Variants in CDKAL1 observed in about 807,000 individuals in gnomAD.
CDKAL1 encodes threonylcarbamoyladenosine tRNA methylthiotransferase.
In CDKAL1, 32 loss-of-function variants were observed where a neutral mutation model predicts 68.2. The ratio of observed to expected loss-of-function variants is 0.47; its 90% CI spans 0.35 to 0.63. CDKAL1 has a LOEUF of 0.63. Ranked by LOEUF, CDKAL1 falls within the 30% of genes least tolerant of loss-of-function variation. CDKAL1 has a pLI of 0.00. For synonymous variants in CDKAL1, 234 were observed against 244.3 expected (o/e 0.96, Z 0.39); for missense variants, 606 against 696.7 (o/e 0.87, Z 1.47).
intron 9 of CDKAL1, among the ~76,000 whole-genome samples, chr6:20,899,959 C>A (rs888644632): frequency 6.6e-6 from 1 of 152,216 alleles, no homozygotes; most frequent in Non-Finnish European, 1.5e-5. Flanking sequence ...ACCAAGGTGA[C>A]ATAAATGTTT....
chr6:20,963,296 T>C (rs961522508), intron 10 of CDKAL1, among the ~76,000 whole-genome samples: 2 of 150,758 alleles, frequency 1.3e-5, no homozygotes, highest in East Asian at 1.9e-4. Flanking sequence ...AAGCTTTAGT[T>C]AGGCCCTTCC....
chr6:20,710,079 G>T (rs1195882228), intron 5 of CDKAL1, among the ~76,000 whole-genome samples: 1 of 152,064 alleles, frequency 6.6e-6, no homozygotes, highest in African/African-American at 2.4e-5. Flanking sequence ...GATTTCCTGA[G>T]CTTCAAGTTA....
intron 4 of CDKAL1, among the ~76,000 whole-genome samples, chr6:20,556,250 A>G (rs1206314395): frequency 6.6e-6 from 1 of 152,080 alleles, no homozygotes; most frequent in Non-Finnish European, 1.5e-5. Context: ...CTGTAATCCC[A>G]GCTACTAGGA....
At chr6:20,906,947 A>G (rs1581804188) in intron 9 of CDKAL1, among the ~76,000 whole-genome samples, 1 of 152,366 alleles carries the variant, frequency 6.6e-6, no homozygotes, top group African/African-American at 2.4e-5. Flanking sequence ...TAACAGATAT[A>G]TAACACATTA....
intron 9 of CDKAL1, among the ~76,000 whole-genome samples, chr6:20,946,776 A>C (rs1393316541): frequency 6.6e-6 from 1 of 151,784 alleles, no homozygotes; most frequent in African/African-American, 2.4e-5. Flanking sequence ...TTCTATTTTT[A>C]GTAGAGACGG....
chr6:20,761,321 C>T (rs561240180), intron 7 of CDKAL1, among the ~76,000 whole-genome samples: 2 of 152,292 alleles, frequency 1.3e-5, no homozygotes, highest in South Asian at 4.1e-4. Context: ...TCATTTATTG[C>T]TGGTGGTAAT....
chr6:20,982,058 T>TATTC (rs1766182922), intron 10 of CDKAL1, among the ~76,000 whole-genome samples: 1 of 145,406 alleles, frequency 6.9e-6, no homozygotes, highest in Non-Finnish European at 1.5e-5. Flanking sequence ...CTTATTTATT[T>TATTC]ATTTATTTAT....
At chr6:20,834,338 C>G (rs1290911125) in intron 8 of CDKAL1, among the ~76,000 whole-genome samples, 1 of 152,134 alleles carries the variant, frequency 6.6e-6, no homozygotes, top group African/African-American at 2.4e-5. Context: ...ACTGTTTTGT[C>G]TTTGTTAGGC....
chr6:21,059,924 C>G (rs1055581914), intron 11 of CDKAL1, among the ~76,000 whole-genome samples: 22 of 152,146 alleles, frequency 1.4e-4, no homozygotes, highest in African/African-American at 5.3e-4. Flanking sequence ...CCACCCTCCC[C>G]CTTCTGAGTC....
At chr6:20,700,232 G>A (rs1771281312) in intron 5 of CDKAL1, among the ~76,000 whole-genome samples, 1 of 151,874 alleles carries the variant, frequency 6.6e-6, no homozygotes, top group Non-Finnish European at 1.5e-5. Context: ...GCACATGCCT[G>A]TAATCCCAGC....
intron 4 of CDKAL1, among the ~76,000 whole-genome samples, chr6:20,605,490 G>A (rs1766294256): frequency 6.6e-6 from 1 of 152,070 alleles, no homozygotes; most frequent in African/African-American, 2.4e-5. Flanking sequence ...CTCATTATGG[G>A]ATTCCTTTTT....
At chr6:20,704,809 A>G (rs180750967) in intron 5 of CDKAL1, among the ~76,000 whole-genome samples, 1 of 152,178 alleles carries the variant, frequency 6.6e-6, no homozygotes, top group Non-Finnish European at 1.5e-5. Flanking sequence ...GGAATTCTAG[A>G]TGGTATAGTC....
intron 10 of CDKAL1, among the ~76,000 whole-genome samples, chr6:20,988,820 TTTTTC>T (rs1318704073): frequency 6.7e-6 from 1 of 150,116 alleles, no homozygotes; most frequent in African/African-American, 2.5e-5. Context: ...CAGTTAATTT[TTTTTC>T]TTTTTTGTAT....
intron 9 of CDKAL1, among the ~76,000 whole-genome samples, chr6:20,868,793 C>T (rs929408784): frequency 1.3e-5 from 2 of 152,072 alleles, no homozygotes; most frequent in South Asian, 2.1e-4. Flanking sequence ...CAGCATGGGC[C>T]GTGTGTTAGA....
intron 5 of CDKAL1, among the ~76,000 whole-genome samples, chr6:20,717,307 A>C (rs1018904523): frequency 6.6e-6 from 1 of 151,924 alleles, no homozygotes; most frequent in Admixed American, 6.6e-5. Context: ...ATACATGCGT[A>C]TATTTATGCT....
At chr6:20,579,650 G>A (rs1030462491) in intron 4 of CDKAL1, among the ~76,000 whole-genome samples, 1 of 152,186 alleles carries the variant, frequency 6.6e-6, no homozygotes, top group African/African-American at 2.4e-5. Flanking sequence ...CATAGGTAGT[G>A]CAAGTGGGGC....
Position 21,232,003 on chromosome 6 carries a change from GTTTT to G in CDKAL1, c.*966_*969del, listed in dbSNP as rs71530402. The G allele has an allele frequency of 1.3e-5, 1 of 76,088 alleles. No homozygotes were observed. The highest frequency in any genetic ancestry group is 1.7e-4 in the Admixed American group (1 of 6,042). The allele number at this position is 76,088 out of a possible 1,614,324, so 4.7% of individuals were successfully genotyped here. On this transcript the variant is annotated 3_prime_UTR_variant, in exon 16 of 16. Transcript: ENST00000274695. ...TTTGATCCATTGGGGTTTTTTTTTTGTTTTTGTTTTTTTTTTTTTTTGAGTCAAG... is the reference window on the plus strand; with the variant it reads ...TTTGATCCATTGGGGTTTTTTTTTTGTGTTTTTTTTTTTTTTTGAGTCAAG...
Position 20,928,685 on chromosome 6 carries a change from C to CTT in CDKAL1, c.743-26715_743-26714dup, listed in dbSNP as rs55795720. ...GATTGTCCATGAGGTTTACAATATT[C>CTT]TTTTTTTTTTTTTTTTTTTTCATTT... On this transcript the variant is annotated intron_variant, in intron 9 of 15. Transcript: ENST00000274695. Among the ~76,000 whole-genome samples the CTT allele has an allele frequency of 1.8e-3, 215 of 120,196 alleles. 1 individual carries two copies. The highest frequency in any genetic ancestry group is 4.6e-3 in the Middle Eastern group (1 of 218). The allele number at this position is 120,196 out of a possible 152,430, so 78.9% of individuals were successfully genotyped here.
At position 20,955,548 on chromosome 6, in the gene CDKAL1, G is replaced by C; in HGVS notation, c.872G>C (p.Gly291Ala). The C allele has an allele frequency of 1.9e-6, 3 of 1,614,142 alleles. No individual in the cohort carries two copies. The highest frequency in any genetic ancestry group is 2.5e-6 in the Non-Finnish European group (3 of 1,180,010). Residue 291 changes from glycine to alanine, a missense_variant, in exon 10 of 16, where the codon GGC becomes GCC. Gly to Ala is a moderately conservative substitution (Grantham distance 60, BLOSUM62 0). Coordinates refer to ENST00000274695, the MANE Select transcript of CDKAL1 (RefSeq NM_017774.3). ...VIPEGAMLRLGMTNPPYILEH... is the reference protein window; with the variant it reads ...VIPEGAMLRLAMTNPPYILEH... ...CCTGAGGGAGCAATGCTGAGGCTTG[G>C]CATGACAAATCCGCCCTATATTTTA...
Sources: gnomAD v4.1 joint callset for allele counts (sites outside exome capture counted in the v4.1 genomes callset) on GRCh38, gnomAD v4.1.1 for gene constraint, MANE v1.5 for transcripts, NCBI Gene and HGNC (gene_info 2026-07-23, HGNC 2026-07-21) for gene names.